The following OPCML variants were observed in gnomAD, a reference collection of about 807,000 sequenced individuals.
OPCML encodes the protein opioid-binding protein/cell adhesion molecule.
In OPCML, 13 loss-of-function variants were observed where a neutral mutation model predicts 37.8. The observed-to-expected ratio is 0.34, with a 90% CI of 0.22 to 0.55. OPCML has a LOEUF of 0.55. Among genes scored for constraint, OPCML ranks in the 20% least tolerant of loss-of-function variants. The probability of loss-of-function intolerance (pLI) is 0.91; values close to 1 mark genes in which losing one functional copy is unlikely to be tolerated. For synonymous variants in OPCML, 176 were observed against 168.8 expected, an observed-to-expected ratio of 1.04 and a Z score of -0.33; for missense variants, 341 against 435.6, an observed-to-expected ratio of 0.78 and a Z score of 1.93.
Position 133,498,626 on chromosome 11 carries a change from G to A in OPCML, c.61+33638C>T, listed in dbSNP as rs192532014. ...TAACAGTTACTCAAAGAACAAGTGC[G>A]GTCTCAGCTGCAAGACAAATGTAGG... On this transcript the variant is annotated intron_variant, in intron 1 of 7. Transcript: ENST00000524381. 1.1e-3 allele frequency among the ~76,000 whole-genome samples: 165 copies of A among 152,288 alleles called. 1 individual carries two copies. The highest frequency in any genetic ancestry group is 1.5e-3 in the East Asian group (8 of 5,162).
At chr11:133,204,082 A>AAAAAAAAAAAAAAAAC (rs1938927927) in intron 1 of OPCML, among the ~76,000 whole-genome samples, 1 of 149,176 alleles carries the variant, frequency 6.7e-6, no homozygotes, top group African/African-American at 2.4e-5. Context: ...AAAAAAAAAA[A>AAAAAAAAAAAAAAAAC]AAAAAATGCA....
At chr11:133,291,668 CT>C (rs1181048772) in intron 1 of OPCML, among the ~76,000 whole-genome samples, 1 of 152,260 alleles carries the variant, frequency 6.6e-6, no homozygotes, top group African/African-American at 2.4e-5. Flanking sequence ...ATCACACAGG[CT>C]TATAGCCCTG....
chr11:132,747,942 G>T (rs752594453), intron 2 of OPCML, among the ~76,000 whole-genome samples: 1 of 152,000 alleles, frequency 6.6e-6, no homozygotes, highest in Non-Finnish European at 1.5e-5. Flanking sequence ...ATATTTTAAC[G>T]GATTGAGTAA....
intron 1 of OPCML, among the ~76,000 whole-genome samples, chr11:133,288,500 G>A (rs1171914396): frequency 2.0e-5 from 3 of 152,202 alleles, no homozygotes; most frequent in Non-Finnish European, 2.9e-5. Flanking sequence ...GCTCAACCAC[G>A]AACCTGGGGA....
At chr11:133,524,950 T>C (rs547831178) in intron 1 of OPCML, among the ~76,000 whole-genome samples, 1 of 152,358 alleles carries the variant, frequency 6.6e-6, no homozygotes, top group Non-Finnish European at 1.5e-5. Flanking sequence ...ATTTATTCAT[T>C]CATTCATTCT....
chr11:132,775,785 A>T (rs1016424591), intron 2 of OPCML, among the ~76,000 whole-genome samples: 1 of 152,206 alleles, frequency 6.6e-6, no homozygotes, highest in Non-Finnish European at 1.5e-5. Context: ...GGTTCCATCG[A>T]CAGGTGTCAT....
chr11:132,946,772 C>T (rs1044324383), intron 1 of OPCML, among the ~76,000 whole-genome samples: 9 of 152,174 alleles, frequency 5.9e-5, no homozygotes, highest in Non-Finnish European at 4.4e-5. Context: ...CAGGGAGCAG[C>T]CCCACAACCT....
chr11:133,424,908 A>G (rs914413683), intron 1 of OPCML, among the ~76,000 whole-genome samples: 11 of 152,188 alleles, frequency 7.2e-5, no homozygotes, highest in Admixed American at 1.3e-4. Context: ...GGCTGAAACT[A>G]TCTACAGCCA....
At position 133,173,886 on chromosome 11, in the gene OPCML, G is replaced by A. The variant is rs1367303122; in HGVS notation, c.62-230876C>T. Among the ~76,000 whole-genome samples the A allele has an allele frequency of 6.6e-6, 1 of 152,178 alleles. No individual in the cohort carries two copies. Among genetic ancestry groups the A allele is most frequent in the African/African-American group, 2.4e-5 (1 of 41,442 alleles). On this transcript the variant is annotated intron_variant, in intron 1 of 7. Coordinates refer to ENST00000524381, the MANE Select transcript of OPCML (RefSeq NM_001012393.5). This position sits in a 1 kb window ranked among gnomAD's most constrained non-coding sequence, Gnocchi z 7.8. ...TGATAAATGGGTCTGCACTCTGAGG[G>A]CTGGAATGAAGATTGGACCGGGGCC... is the stretch of plus-strand genomic sequence containing the variant.
chr11:133,352,701 CAAAT>C (rs751826132), intron 1 of OPCML, among the ~76,000 whole-genome samples: 132 of 152,260 alleles, frequency 8.7e-4, no homozygotes, highest in African/African-American at 2.9e-3. Context: ...AACTAATGAA[CAAAT>C]GAATGAATGA....
At chr11:133,350,852 T>A (rs1296517556) in intron 1 of OPCML, among the ~76,000 whole-genome samples, 2 of 152,150 alleles carry the variant, frequency 1.3e-5, no homozygotes, top group African/African-American at 4.8e-5. Context: ...TTCCAACATA[T>A]GATCAATGCA....
chr11:132,525,758 T>C (rs1030073883), intron 4 of OPCML: 2 of 152,310 alleles, frequency 1.3e-5, no homozygotes, highest in African/African-American at 4.8e-5. Flanking sequence ...TGCAGTTTTG[T>C]TACATAGGTA....
At chr11:132,820,102 T>A (rs942490793) in intron 2 of OPCML, among the ~76,000 whole-genome samples, 48 of 131,504 alleles carry the variant, frequency 3.7e-4, no homozygotes, top group Middle Eastern at 4.0e-3. Context: ...AATGAATGAA[T>A]GAAAGAAACC....
At chr11:133,266,429 C>T (rs1941661810) in intron 1 of OPCML, among the ~76,000 whole-genome samples, 4 of 152,156 alleles carry the variant, frequency 2.6e-5, no homozygotes, top group Non-Finnish European at 4.4e-5. Flanking sequence ...AAGGATCTCC[C>T]CCTGGTCTCT....
At chr11:132,647,227 A>G (rs1399883748) in intron 3 of OPCML, among the ~76,000 whole-genome samples, 1 of 152,256 alleles carries the variant, frequency 6.6e-6, no homozygotes, top group African/African-American at 2.4e-5. Flanking sequence ...ACAACCTTGT[A>G]CTTATCAGCA....
chr11:132,876,355 G>T (rs1943014084), intron 2 of OPCML, among the ~76,000 whole-genome samples: 2 of 152,154 alleles, frequency 1.3e-5, no homozygotes, highest in African/African-American at 4.8e-5. Context: ...AACCCTTTAT[G>T]ATCTGAGTTC....
chr11:132,554,358 G>T (rs571200511), intron 3 of OPCML, among the ~76,000 whole-genome samples: 1 of 152,210 alleles, frequency 6.6e-6, no homozygotes, highest in Admixed American at 6.5e-5. Context: ...CCTGGTATTT[G>T]CCCTTCTATA....
At chr11:132,761,124 C>T (rs1358538290) in intron 2 of OPCML, among the ~76,000 whole-genome samples, 1 of 152,074 alleles carries the variant, frequency 6.6e-6, no homozygotes, top group Non-Finnish European at 1.5e-5. Context: ...TGAATATTGG[C>T]CCCCACTCTC....
chr11:133,002,759 A>C (rs986647908), intron 1 of OPCML, among the ~76,000 whole-genome samples: 11 of 109,058 alleles, frequency 1.0e-4, no homozygotes, highest in African/African-American at 4.5e-4. Context: ...AGGAAAGAGA[A>C]GAAGGACAAA....
Sources: gnomAD v4.1 joint callset for allele counts (sites outside exome capture counted in the v4.1 genomes callset) on GRCh38, gnomAD v4.1.1 for gene constraint, Gnocchi (gnomAD v3.1) non-coding constraint, MANE v1.5 for transcripts, NCBI Gene and HGNC (gene_info 2026-07-23, HGNC 2026-07-21) for gene names.